The following ART3 variants were observed in gnomAD, a reference collection of about 807,000 sequenced individuals.
The protein encoded by ART3 is ADP-ribosyltransferase 3 (inactive), also known as ecto-ADP-ribosyltransferase 3.
Under a neutral mutation model 48.5 loss-of-function variants are expected in ART3, and 49 were observed. That is an observed-to-expected ratio of 1.01 (90% CI 0.80 to 1.28). The LOEUF is 1.28. Among genes scored for constraint, ART3 ranks in the 50% most tolerant of loss-of-function variants. ART3 has a pLI of 0.00. For missense variants in ART3, 438 were observed against 454.3 expected (o/e 0.96, Z 0.33); for synonymous variants, 145 against 157.2 (o/e 0.92, Z 0.58).
At chr4:76,080,836 A>G (rs1239104227) in intron 2 of ART3, among the ~76,000 whole-genome samples, 3 of 152,244 alleles carry the variant, frequency 2.0e-5, no homozygotes, top group East Asian at 3.9e-4. Flanking sequence ...TTAAAATTGA[A>G]AACTTGAGGA....
chr4:76,079,730 G>A (rs557041786), intron 2 of ART3, among the ~76,000 whole-genome samples: 3 of 152,236 alleles, frequency 2.0e-5, no homozygotes, highest in South Asian at 2.1e-4. Context: ...TGAGCTATAC[G>A]TGGGAAATGA....
At chr4:76,096,491 A>G (rs192883997) in intron 3 of ART3, among the ~76,000 whole-genome samples, 4 of 152,188 alleles carry the variant, frequency 2.6e-5, no homozygotes, top group Non-Finnish European at 5.9e-5. Flanking sequence ...GCTCCTCCTC[A>G]GGTAGCTGAA....
intron 3 of ART3, among the ~76,000 whole-genome samples, chr4:76,095,084 T>C (rs992765761): frequency 6.6e-6 from 1 of 152,214 alleles, no homozygotes. Flanking sequence ...CTCTTATCCA[T>C]TTTTAACCCT....
chr4:76,031,907 G>A (rs766668984), intron 1 of ART3, among the ~76,000 whole-genome samples: 18 of 152,206 alleles, frequency 1.2e-4, no homozygotes, highest in Non-Finnish European at 1.8e-4. Context: ...TAAATAAATA[G>A]GACACCTAAT....
At chr4:76,089,682 A>G (rs1724409297) in intron 3 of ART3, among the ~76,000 whole-genome samples, 1 of 151,810 alleles carries the variant, frequency 6.6e-6, no homozygotes, top group Admixed American at 6.6e-5. Flanking sequence ...AACAGTTTGT[A>G]ACATGATATA....
At chr4:76,065,262 C>G (rs965639313) in intron 1 of ART3, among the ~76,000 whole-genome samples, 1 of 152,150 alleles carries the variant, frequency 6.6e-6, no homozygotes, top group Admixed American at 6.5e-5. Flanking sequence ...TGTACTGAAT[C>G]ATTTAATCTT....
At chr4:76,050,514 A>T (rs2149451894) in intron 1 of ART3, among the ~76,000 whole-genome samples, 1 of 152,268 alleles carries the variant, frequency 6.6e-6, no homozygotes, top group East Asian at 1.9e-4. Context: ...CAGAGGGCCG[A>T]TTGGTGTATT....
At chr4:76,032,095 T>C (rs1733917726) in intron 1 of ART3, among the ~76,000 whole-genome samples, 2 of 152,230 alleles carry the variant, frequency 1.3e-5, no homozygotes, top group South Asian at 4.1e-4. Flanking sequence ...TAATATTTCA[T>C]ATATTTATTT....
At chr4:76,022,313 C>G in intron 1 of ART3, 2 of 1,449,752 alleles carry the variant, frequency 1.4e-6, no homozygotes, top group Non-Finnish European at 1.9e-6. Context: ...TTCTGACTCC[C>G]AAGATTGCCG....
chr4:76,048,697 C>A (rs1002959738), intron 1 of ART3, among the ~76,000 whole-genome samples: 39 of 151,966 alleles, frequency 2.6e-4, no homozygotes, highest in African/African-American at 9.2e-4. Context: ...TCCTCCCAGA[C>A]CACATGGAGG....
intron 8 of ART3, 133 bp from the exon 9 acceptor site, chr4:76,103,804 C>G: frequency 1.3e-6 from 1 of 742,232 alleles, no homozygotes; most frequent in Non-Finnish European, 2.1e-6. Flanking sequence ...TTTGTTGTTG[C>G]TGTTTCTTTT....
intron 11 of ART3, among the ~76,000 whole-genome samples, chr4:76,110,834 AAT>A (rs772551152): frequency 4.0e-5 from 6 of 151,074 alleles, no homozygotes; most frequent in Admixed American, 1.3e-4. Flanking sequence ...ATGACCTAGA[AAT>A]ATATATATAT....
At chr4:76,103,582 C>T (rs763264294) in intron 8 of ART3, among the ~76,000 whole-genome samples, 2 of 152,054 alleles carry the variant, frequency 1.3e-5, no homozygotes, top group African/African-American at 2.4e-5. Context: ...AAGTAGTCTG[C>T]CCAAAGTCAC....
At chr4:76,101,133 C>A in intron 8 of ART3, 114 bp downstream of exon 8, 2 of 1,274,114 alleles carry the variant, frequency 1.6e-6, no homozygotes, top group Non-Finnish European at 2.2e-6. Context: ...CAGAGCTCAC[C>A]TTAGCTTACT....
In ART3 at chr4:76,045,633, AAG is replaced by A. The variant is rs1735432344; in HGVS notation, c.-9-30244_-9-30243del. 1.3e-5 allele frequency among the ~76,000 whole-genome samples: 2 copies of A among 151,988 alleles called. 1 individual carries two copies. The highest frequency in any genetic ancestry group is 2.9e-5 in the Non-Finnish European group (2 of 67,970). ...ATCTTGGCTCTCTCTGTGATGTATA[AAG>A]AGAAGTTCTGTCCTGTGGGAAGGCT... On this transcript the variant is annotated intron_variant, in intron 1 of 9. Transcript: ENST00000341029.
At chr4:76,047,432 T>A (rs1735614276) in intron 1 of ART3, among the ~76,000 whole-genome samples, 1 of 152,006 alleles carries the variant, frequency 6.6e-6, no homozygotes, top group Non-Finnish European at 1.5e-5. Context: ...TGCGGCTGAT[T>A]GGGTAATAAA....
At chr4:76,022,669 A>G in intron 1 of ART3, 1 of 1,611,794 alleles carries the variant, frequency 6.2e-7, no homozygotes, top group Non-Finnish European at 8.5e-7. Flanking sequence ...GGGAAGTGAT[A>G]ATCAGATGGG....
chr4:76,091,308 G>A (rs375331900), intron 3 of ART3, among the ~76,000 whole-genome samples: 6 of 152,314 alleles, frequency 3.9e-5, no homozygotes, highest in African/African-American at 1.4e-4. Flanking sequence ...TGTAACTTTG[G>A]AAGAAGCTGC....
chr4:76,094,402 T>C (rs1321431363), intron 3 of ART3, among the ~76,000 whole-genome samples: 3 of 152,250 alleles, frequency 2.0e-5, no homozygotes, highest in African/African-American at 7.2e-5. Flanking sequence ...CCTGCTTCTT[T>C]GCTGGTAGTT....
Sources: gnomAD v4.1 joint callset for allele counts (sites outside exome capture counted in the v4.1 genomes callset) on GRCh38, gnomAD v4.1.1 for gene constraint, MANE v1.5 for transcripts, NCBI Gene and HGNC (gene_info 2026-07-23, HGNC 2026-07-21) for gene names.